Variants in SIK3 observed in about 807,000 individuals in gnomAD.
The protein encoded by SIK3 is SIK family kinase 3, also known as serine/threonine-protein kinase SIK3.
In SIK3, 28 loss-of-function variants were observed where a neutral mutation model predicts 144.2. The observed-to-expected ratio is 0.19, with a 90% CI of 0.14 to 0.27. The LOEUF is 0.27. Among genes scored for constraint, SIK3 ranks in the 10% least tolerant of loss-of-function variants. The pLI is 1.00. For missense variants in SIK3, 1,319 were observed against 1,776.0 expected, an observed-to-expected ratio of 0.74 and a Z score of 4.62; for synonymous variants, 686 against 676.3, an observed-to-expected ratio of 1.01 and a Z score of -0.22.
At chr11:117,069,486 CCAGT>C (rs954355591) in intron 1 of SIK3, among the ~76,000 whole-genome samples, 2 of 152,080 alleles carry the variant, frequency 1.3e-5, no homozygotes, top group Admixed American at 6.6e-5. Flanking sequence ...CATCAGATAC[CCAGT>C]CAATGTTCAA....
intron 1 of SIK3, among the ~76,000 whole-genome samples, chr11:116,969,998 G>A (rs1949710318): frequency 6.6e-6 from 1 of 152,172 alleles, no homozygotes; most frequent in Non-Finnish European, 1.5e-5. Context: ...GGTATCAGCT[G>A]GGCACAGTGG....
chr11:116,967,513 T>A (rs763156644), intron 1 of SIK3, among the ~76,000 whole-genome samples: 6 of 152,228 alleles, frequency 3.9e-5, no homozygotes, highest in Non-Finnish European at 8.8e-5. Flanking sequence ...TAACACAGTC[T>A]GCGTGAAGTA....
intron 1 of SIK3, among the ~76,000 whole-genome samples, chr11:117,095,420 G>A (rs989200029): frequency 5.9e-5 from 9 of 151,946 alleles, no homozygotes; most frequent in African/African-American, 2.2e-4. Flanking sequence ...AGACAGATGG[G>A]GGAAAAAAAT....
chr11:117,004,807 A>G (rs1404538169), intron 1 of SIK3, among the ~76,000 whole-genome samples: 1 of 152,212 alleles, frequency 6.6e-6, no homozygotes, highest in South Asian at 2.1e-4. Context: ...CTCTAGTCCA[A>G]TTCCTGCTGG....
At chr11:116,989,253 T>C (rs1950422873) in intron 1 of SIK3, among the ~76,000 whole-genome samples, 1 of 152,180 alleles carries the variant, frequency 6.6e-6, no homozygotes, top group African/African-American at 2.4e-5. Context: ...TTCCAAGCAG[T>C]TCTCTATTCG....
intron 1 of SIK3, among the ~76,000 whole-genome samples, chr11:117,049,843 T>C (rs1485235555): frequency 6.6e-6 from 1 of 151,952 alleles, no homozygotes; most frequent in Non-Finnish European, 1.5e-5. Context: ...TAGTCCTAGC[T>C]ACCCAGGAGC....
chr11:116,936,092 T>C (rs1050191420), intron 3 of SIK3, among the ~76,000 whole-genome samples: 4 of 152,162 alleles, frequency 2.6e-5, no homozygotes, highest in Non-Finnish European at 2.9e-5. Flanking sequence ...CTGGGCAACA[T>C]AGTGAGATCC....
intron 1 of SIK3, among the ~76,000 whole-genome samples, chr11:116,992,312 A>T (rs1276755890): frequency 7.5e-6 from 1 of 133,652 alleles, no homozygotes; most frequent in East Asian, 2.1e-4. Flanking sequence ...GCAACAGAGC[A>T]AGACCCCCCC....
chr11:116,862,123 T>G (rs1943369295), intron 17 of SIK3, 79 bp downstream of exon 17: 1 of 1,600,070 alleles, frequency 6.2e-7, no homozygotes, highest in Non-Finnish European at 8.6e-7. Flanking sequence ...CACTGAGTGG[T>G]CTCCTCCAAA....
intron 1 of SIK3, among the ~76,000 whole-genome samples, chr11:116,965,595 A>AAAAAAAG (rs1463059761): frequency 6.8e-6 from 1 of 147,082 alleles, no homozygotes; most frequent in African/African-American, 2.6e-5. Flanking sequence ...CAAAGCCCTA[A>AAAAAAAG]AAAAAAGAGA....
At chr11:116,910,857 G>T (rs1946302863) in intron 4 of SIK3, among the ~76,000 whole-genome samples, 1 of 152,146 alleles carries the variant, frequency 6.6e-6, no homozygotes, top group Non-Finnish European at 1.5e-5. Context: ...TTAAGGCAAA[G>T]AAAGGATTCC....
At chr11:116,894,771 A>G (rs903689910) in intron 6 of SIK3, among the ~76,000 whole-genome samples, 2 of 152,190 alleles carry the variant, frequency 1.3e-5, no homozygotes, top group Admixed American at 6.5e-5. Flanking sequence ...GGTAGGTAGC[A>G]TCTCTTGAAT....
intron 1 of SIK3, among the ~76,000 whole-genome samples, chr11:116,983,900 A>T (rs1405333927): frequency 6.6e-6 from 1 of 152,004 alleles, no homozygotes; most frequent in African/African-American, 2.4e-5. Flanking sequence ...CCCATCTAAA[A>T]ATTAGCCAGG....
chr11:117,038,814 C>T (rs1273131890), intron 1 of SIK3, among the ~76,000 whole-genome samples: 3 of 151,978 alleles, frequency 2.0e-5, no homozygotes, highest in South Asian at 2.1e-4. Context: ...CTTTGGGAGG[C>T]GGAGGCGGGC....
At chr11:116,884,004 A>G (rs1315472216) in intron 6 of SIK3, among the ~76,000 whole-genome samples, 2 of 152,150 alleles carry the variant, frequency 1.3e-5, no homozygotes, top group African/African-American at 4.8e-5. Flanking sequence ...ATACATTCAG[A>G]GATTGTATAA....
At chr11:116,965,048 G>A (rs576718374) in intron 1 of SIK3, among the ~76,000 whole-genome samples, 3 of 152,258 alleles carry the variant, frequency 2.0e-5, no homozygotes, top group African/African-American at 7.2e-5. Context: ...TTTACTGAAA[G>A]TGGGAAAATA....
intron 1 of SIK3, among the ~76,000 whole-genome samples, chr11:116,999,066 T>G (rs1428442888): frequency 2.6e-5 from 4 of 152,156 alleles, no homozygotes; most frequent in Non-Finnish European, 5.9e-5. Context: ...TTTAAACAAC[T>G]AATGAGAGTG....
At chr11:117,036,208 A>G (rs1952493887) in intron 1 of SIK3, among the ~76,000 whole-genome samples, 1 of 150,418 alleles carries the variant, frequency 6.6e-6, no homozygotes, top group South Asian at 2.1e-4. Flanking sequence ...GGTGTGAGCC[A>G]ATGTGCCCAG....
At chr11:116,975,737 G>A (rs1422084172) in intron 1 of SIK3, among the ~76,000 whole-genome samples, 1 of 152,106 alleles carries the variant, frequency 6.6e-6, no homozygotes, top group African/African-American at 2.4e-5. Flanking sequence ...TGGAATTGCT[G>A]GGTTATATGG....
Sources: gnomAD v4.1 joint callset for allele counts (sites outside exome capture counted in the v4.1 genomes callset) on GRCh38, gnomAD v4.1.1 for gene constraint, MANE v1.5 for transcripts, NCBI Gene and HGNC (gene_info 2026-07-23, HGNC 2026-07-21) for gene names.